Variants in CLEC16A observed in about 807,000 individuals in gnomAD.
The protein encoded by CLEC16A is protein CLEC16A.
In CLEC16A, 51 loss-of-function variants were observed where a neutral mutation model predicts 109.5. The observed-to-expected ratio is 0.47, with a 90% CI of 0.37 to 0.59. The LOEUF is 0.59. CLEC16A is among the 20% of genes least tolerant of loss of function. CLEC16A has a pLI of 0.00. For missense variants in CLEC16A, 1,339 were observed against 1,394.0 expected (o/e 0.96, Z 0.63); for synonymous variants, 673 against 564.2 (o/e 1.19, Z -2.73).
intron 20 of CLEC16A, among the ~76,000 whole-genome samples, chr16:11,123,167 G>A (rs537897456): frequency 6.6e-6 from 1 of 152,094 alleles, no homozygotes; most frequent in Non-Finnish European, 1.5e-5. Flanking sequence ...CTCCCAAAGT[G>A]CTGGAATTAT....
chr16:10,993,026 G>A (rs1020725579), intron 10 of CLEC16A, among the ~76,000 whole-genome samples: 1 of 152,064 alleles, frequency 6.6e-6, no homozygotes. Context: ...GGTGTATATG[G>A]GATCAGGAGA....
chr16:11,095,194 T>C (rs1004396859), intron 19 of CLEC16A, among the ~76,000 whole-genome samples: 1 of 152,044 alleles, frequency 6.6e-6, no homozygotes, highest in African/African-American at 2.4e-5. Flanking sequence ...GGCGGTAATG[T>C]TATGGAACGT....
chr16:11,008,442 G>T (rs2045175656), intron 11 of CLEC16A, among the ~76,000 whole-genome samples: 1 of 152,094 alleles, frequency 6.6e-6, no homozygotes, highest in Admixed American at 6.5e-5. Flanking sequence ...GAGTGTGTCA[G>T]AGTATCAGGG....
chr16:11,156,662 T>C (rs1221449746), intron 22 of CLEC16A: 3 of 1,304,122 alleles, frequency 2.3e-6, no homozygotes, highest in Non-Finnish European at 2.0e-6. Flanking sequence ...GTGGAGGTCT[T>C]TGCTTGCTAA....
intron 13 of CLEC16A, among the ~76,000 whole-genome samples, chr16:11,035,204 A>G (rs1242625768): frequency 6.6e-6 from 1 of 152,102 alleles, no homozygotes; most frequent in African/African-American, 2.4e-5. Context: ...AAAATAACCA[A>G]CTGCTGACAG....
rs150923280 is a variant in CLEC16A at position 11,181,893 on chromosome 16, C to T, written c.*3203C>T. 13 of 152,792 alleles carry T rather than the reference C, an allele frequency of 8.5e-5. No individual in the cohort carries two copies. The East Asian group carries it at 2.5e-3, about 29-fold the overall frequency. The allele number at this position is 152,792 out of a possible 1,614,324, so 9.5% of individuals were successfully genotyped here. A position where few individuals can be genotyped will look rare whatever the true frequency, so the allele number is the denominator to read the frequency against. On this transcript the variant is annotated 3_prime_UTR_variant, in exon 24 of 24. Coordinates refer to ENST00000409790, the MANE Select transcript of CLEC16A (RefSeq NM_015226.3). ...GGTGAACTGATTTTGATCTTCTTGT[C>T]TAGATGCAATAAATAAATCTGAAGC...
chr16:11,044,176 T>G, intron 16 of CLEC16A, 104 bp downstream of exon 16: 1 of 951,040 alleles, frequency 1.1e-6, no homozygotes. Context: ...TTCAGTTATT[T>G]TTTATGCCTA....
chr16:10,960,659 G>A (rs2042210698), intron 2 of CLEC16A, among the ~76,000 whole-genome samples: 1 of 152,106 alleles, frequency 6.6e-6, no homozygotes, highest in South Asian at 2.1e-4. Context: ...TGAGGGGGTG[G>A]GGGTTAAGGT....
intron 19 of CLEC16A, among the ~76,000 whole-genome samples, chr16:11,067,642 T>C (rs1261417732): frequency 6.6e-6 from 1 of 152,192 alleles, no homozygotes; most frequent in Non-Finnish European, 1.5e-5. Flanking sequence ...ACCTAGCTGA[T>C]GTGATCAGAT....
At chr16:11,149,660 C>G (rs926159078) in intron 22 of CLEC16A, among the ~76,000 whole-genome samples, 1 of 151,930 alleles carries the variant, frequency 6.6e-6, no homozygotes, top group Non-Finnish European at 1.5e-5. Flanking sequence ...ATGATGGTGC[C>G]CACCGGTAAT....
At chr16:11,164,642 C>G (rs974506322) in intron 22 of CLEC16A, among the ~76,000 whole-genome samples, 4 of 152,234 alleles carry the variant, frequency 2.6e-5, no homozygotes, top group East Asian at 1.9e-4. Flanking sequence ...GGCAAAAAAG[C>G]CTTTTAGGCT....
chr16:11,044,056 T>G lies in CLEC16A; in HGVS notation c.1799T>G (p.Val600Gly). The G allele has an allele frequency of 6.2e-7, 1 of 1,609,386 alleles. No homozygotes were observed. The highest frequency in any genetic ancestry group is 8.5e-7 in the Non-Finnish European group (1 of 1,177,134). ...EGAREESVHLVRHFYKGEDIF... is the reference protein window; with the variant it reads ...EGAREESVHLGRHFYKGEDIF... Reference sequence around the variant, plus strand: ...GCGAGAGAAGAAAGTGTTCACCTTGTACGACATTTTTATAAGGTAATTGGC... The same window carrying G: ...GCGAGAGAAGAAAGTGTTCACCTTGGACGACATTTTTATAAGGTAATTGGC... The change falls in exon 16 of 24, where the codon GTA becomes GGA. Residue 600 changes from valine to glycine, a missense_variant. Physicochemically the swap from Val to Gly is moderately radical, Grantham distance 109. Around this residue, in one of 3 missense-constraint regions of CLEC16A, gnomAD observed 1,061 missense variants for 1,006.8 expected, o/e 1.05. Coordinates refer to ENST00000409790, the MANE Select transcript of CLEC16A (RefSeq NM_015226.3).
chr16:11,018,289 GA>G (rs34388528), intron 11 of CLEC16A, among the ~76,000 whole-genome samples: 41,365 of 111,856 alleles, frequency 0.37, 5,870 homozygotes, highest in African/African-American at 0.42. Context: ...TCTCAAAAAA[GA>G]AAAAAAAAAA....
chr16:11,050,591 T>C (rs888226592), intron 17 of CLEC16A, among the ~76,000 whole-genome samples: 3 of 152,248 alleles, frequency 2.0e-5, no homozygotes, highest in Non-Finnish European at 4.4e-5. Flanking sequence ...CTACTACTGA[T>C]GCAGCAGAGA....
chr16:11,178,951 G>A lies in CLEC16A; in HGVS notation c.*261G>A. The A allele has an allele frequency of 2.4e-6, 1 of 414,364 alleles. No individual in the cohort carries two copies. The highest frequency in any genetic ancestry group is 4.3e-6 in the Non-Finnish European group (1 of 234,560). The allele number at this position is 414,364 out of a possible 1,614,324, so 25.7% of individuals were successfully genotyped here. A position where few individuals can be genotyped will look rare whatever the true frequency, so the allele number is the denominator to read the frequency against. On this transcript the variant is annotated 3_prime_UTR_variant, in exon 24 of 24. Transcript: ENST00000409790. This position sits in a 1 kb window ranked among gnomAD's most constrained non-coding sequence, Gnocchi z 6.5. ...TGCAGATGACTGCACCGGCCACTCAGGGAGCTGCCTGGGCTCCGTGTCTCT... is the reference window on the plus strand; with the variant it reads ...TGCAGATGACTGCACCGGCCACTCAAGGAGCTGCCTGGGCTCCGTGTCTCT...
chr16:10,996,759 G>A (rs1185470631), intron 10 of CLEC16A, among the ~76,000 whole-genome samples: 1 of 152,038 alleles, frequency 6.6e-6, no homozygotes, highest in Non-Finnish European at 1.5e-5. Flanking sequence ...TCTGAGAGGG[G>A]TGGACTGTGG....
chr16:11,133,338 CAA>C lies in CLEC16A; in HGVS notation c.2641+7206_2641+7207del, dbSNP rs577277748. 1.4e-3 allele frequency among the ~76,000 whole-genome samples: 173 copies of C among 127,494 alleles called. 1 individual carries two copies. Among genetic ancestry groups the C allele is most frequent in the African/African-American group, 4.2e-3 (145 of 34,912 alleles). 83.6% of individuals were successfully genotyped at this position (127,494 alleles called of 152,430 possible). A position where few individuals can be genotyped will look rare whatever the true frequency, so the allele number is the denominator to read the frequency against. The stretch of plus-strand genomic sequence containing the variant: ...TGGGTGACAGAGTGAGACTCTGTCT[CAA>C]AAAAAAAAAAAAATTTTTTTTTTGA... On this transcript the variant is annotated intron_variant, in intron 22 of 23. Coordinates refer to ENST00000409790, the MANE Select transcript of CLEC16A (RefSeq NM_015226.3).
intron 2 of CLEC16A, among the ~76,000 whole-genome samples, chr16:10,960,203 C>T (rs546282391): frequency 3.9e-5 from 6 of 152,278 alleles, no homozygotes; most frequent in Non-Finnish European, 8.8e-5. Flanking sequence ...AACTTCAGCC[C>T]TCATTTGGAT....
At chr16:11,127,119 T>C (rs1286638479) in intron 22 of CLEC16A, among the ~76,000 whole-genome samples, 1 of 152,268 alleles carries the variant, frequency 6.6e-6, no homozygotes, top group Non-Finnish European at 1.5e-5. Flanking sequence ...GAAGTAACTA[T>C]TGTTAACAGT....
Sources: allele counts gnomAD v4.1 joint callset (sites outside exome capture counted in the v4.1 genomes callset), GRCh38; gene constraint gnomAD v4.1.1; regional missense constraint gnomAD v4.1.1; non-coding constraint Gnocchi (gnomAD v3.1); transcripts MANE v1.5; gene names NCBI Gene and HGNC (gene_info 2026-07-23, HGNC 2026-07-21).